The following PPP1R12B variants were observed in gnomAD, a reference collection of about 807,000 sequenced individuals.
PPP1R12B encodes the protein myosin phosphatase target subunit 2.
Under a neutral mutation model 126.1 loss-of-function variants are expected in PPP1R12B, and 76 were observed. The ratio of observed to expected loss-of-function variants is 0.60; its 90% CI spans 0.50 to 0.73. The LOEUF (loss-of-function observed/expected upper bound fraction) is 0.73. PPP1R12B is among the 30% of genes least tolerant of loss of function. PPP1R12B has a pLI of 0.00. For missense variants in PPP1R12B, 1,052 were observed against 1,205.1 expected (o/e 0.87, Z 1.88); for synonymous variants, 356 against 434.7 (o/e 0.82, Z 2.25).
chr1:202,408,180 G>A (rs977602306), intron 1 of PPP1R12B, among the ~76,000 whole-genome samples: 6 of 152,080 alleles, frequency 3.9e-5, no homozygotes, highest in Admixed American at 2.0e-4. Flanking sequence ...TTTCTTGGCC[G>A]TCTAGTTGGG....
At chr1:202,557,306 G>A (rs1687056700) in intron 18 of PPP1R12B, among the ~76,000 whole-genome samples, 1 of 152,050 alleles carries the variant, frequency 6.6e-6, no homozygotes, top group African/African-American at 2.4e-5. Flanking sequence ...TAGTTCTTGA[G>A]AGGTGATTAA....
At position 202,585,892 on chromosome 1, in the gene PPP1R12B, T is replaced by C. The variant is rs1245229324; in HGVS notation, c.*5332T>C. 2 of 152,246 alleles carry C rather than the reference T, an allele frequency of 1.3e-5. No homozygotes were observed. Among genetic ancestry groups the C allele is most frequent in the Non-Finnish European group, 2.9e-5 (2 of 68,052 alleles). The allele number at this position is 152,246 out of a possible 1,614,324, so 9.4% of individuals were successfully genotyped here. On this transcript the variant is annotated 3_prime_UTR_variant, in exon 24 of 24. Coordinates refer to ENST00000608999, the MANE Select transcript of PPP1R12B (RefSeq NM_002481.4). ...AATAGGAAATAGACCTGCTGCTTCA[T>C]AGGTTTCCTCAACCACCTTTCCTCA...
intron 1 of PPP1R12B, among the ~76,000 whole-genome samples, chr1:202,401,361 A>ATTTTTTTTTTTTTT (rs34810265): frequency 5.6e-5 from 4 of 71,446 alleles, no homozygotes; most frequent in Non-Finnish European, 7.4e-5. Flanking sequence ...GGCTAATTTA[A>ATTTTTTTTTTTTTT]TTTTTTTTTT....
intron 18 of PPP1R12B, among the ~76,000 whole-genome samples, chr1:202,532,052 A>G (rs1214527974): frequency 6.6e-6 from 1 of 152,210 alleles, no homozygotes; most frequent in Non-Finnish European, 1.5e-5. Context: ...ATGCTAAACA[A>G]GGGGTGGATT....
Position 202,348,759 on chromosome 1 carries a change from C to A in PPP1R12B, c.-93C>A. 6.9e-7 allele frequency: 1 copy of A among 1,457,542 alleles called. No homozygotes were observed. Among genetic ancestry groups the A allele is most frequent in the African/African-American group, 1.4e-5 (1 of 70,760 alleles). The allele number at this position is 1,457,542 out of a possible 1,614,324, so 90.3% of individuals were successfully genotyped here. ...GAGGGTCTCCGCCCTCTGCTCCGGG[C>A]TGAAGCGCTCTGAGAGAGGCGGCAG... On this transcript the variant is annotated 5_prime_UTR_variant, in exon 1 of 24. In the 5' UTR this introduces an upstream ATG that the reference lacks. Transcript: ENST00000608999.
At chr1:202,365,068 T>C (rs1658955208) in intron 1 of PPP1R12B, among the ~76,000 whole-genome samples, 2 of 152,228 alleles carry the variant, frequency 1.3e-5, no homozygotes, top group South Asian at 2.1e-4. Flanking sequence ...AACATATTAA[T>C]TGGTTTTTTT....
chr1:202,367,142 A>C (rs1659378561), intron 1 of PPP1R12B, among the ~76,000 whole-genome samples: 1 of 152,236 alleles, frequency 6.6e-6, no homozygotes, highest in Non-Finnish European at 1.5e-5. Flanking sequence ...ACTACTTATA[A>C]GCCATTTTAG....
intron 5 of PPP1R12B, among the ~76,000 whole-genome samples, chr1:202,428,083 G>T (rs1391758854): frequency 6.6e-6 from 1 of 151,308 alleles, no homozygotes; most frequent in Non-Finnish European, 1.5e-5. Flanking sequence ...CCCAAACTCT[G>T]TGTTTAAAGG....
rs1180395334 is a variant in PPP1R12B, at chr1:202,582,252, A to T, written c.*1692A>T. ...TTTTCTTACCTGTCACATCTTGGCC[A>T]TCCTCCTCTAGACAAAACCAGCCTT... On this transcript the variant is annotated 3_prime_UTR_variant, in exon 24 of 24. Transcript: ENST00000608999. The T allele has an allele frequency of 6.6e-6, 1 of 152,416 alleles. No individual in the cohort carries two copies. Among genetic ancestry groups the T allele is most frequent in the African/African-American group, 2.4e-5 (1 of 41,444 alleles). 9.4% of individuals were successfully genotyped at this position (152,416 alleles called of 1,614,324 possible).
At chr1:202,390,979 A>G (rs1401933277) in intron 1 of PPP1R12B, among the ~76,000 whole-genome samples, 3 of 152,152 alleles carry the variant, frequency 2.0e-5, no homozygotes, top group Non-Finnish European at 4.4e-5. Context: ...TGGGAGGATC[A>G]TTTGGACCTG....
chr1:202,454,294 A>G (rs1673353402), intron 13 of PPP1R12B, among the ~76,000 whole-genome samples: 1 of 152,254 alleles, frequency 6.6e-6, no homozygotes, highest in African/African-American at 2.4e-5. Context: ...GTGAATTATG[A>G]GTTGAATGTG....
chr1:202,416,168 T>G (rs1571908238), intron 1 of PPP1R12B, among the ~76,000 whole-genome samples: 1 of 152,228 alleles, frequency 6.6e-6, no homozygotes, highest in Admixed American at 6.5e-5. Context: ...ATGAAACAGC[T>G]TATTCATTTG....
intron 13 of PPP1R12B, among the ~76,000 whole-genome samples, chr1:202,460,713 G>A (rs1425257245): frequency 6.6e-6 from 1 of 152,206 alleles, no homozygotes; most frequent in Non-Finnish European, 1.5e-5. Context: ...ATATGTAGCA[G>A]TGGGTACATT....
At position 202,562,864 on chromosome 1, in the gene PPP1R12B, CCCG is replaced by C; in HGVS notation, c.2597_2599del (p.Arg866del). ...AGAGCCCGTCGGGAGGCCCGGGAGGCCCGCCTAGCCACCCTGACCAGCCGTGTA... is the reference window on the plus strand; with the variant it reads ...AGAGCCCGTCGGGAGGCCCGGGAGGCCCTAGCCACCCTGACCAGCCGTGTA... On this transcript the variant is annotated inframe_deletion, in exon 20 of 24. Coordinates refer to ENST00000608999, the MANE Select transcript of PPP1R12B (RefSeq NM_002481.4). 1 of 1,612,606 alleles carries C rather than the reference CCCG, an allele frequency of 6.2e-7. No homozygotes were observed. Among genetic ancestry groups the C allele is most frequent in the Non-Finnish European group, 8.5e-7 (1 of 1,179,502 alleles).
intron 1 of PPP1R12B, among the ~76,000 whole-genome samples, chr1:202,392,381 G>A (rs1032131431): frequency 1.4e-4 from 21 of 152,144 alleles, no homozygotes; most frequent in African/African-American, 4.6e-4. Context: ...AGAAGTCTAC[G>A]TATTATATGA....
chr1:202,575,153 C>A, intron 23 of PPP1R12B: 3 of 1,608,674 alleles, frequency 1.9e-6, no homozygotes, highest in South Asian at 1.1e-5. Context: ...CCCCTACTCT[C>A]CAACTCACTT....
chr1:202,408,763 A>T (rs1666973506), intron 1 of PPP1R12B, among the ~76,000 whole-genome samples: 1 of 150,908 alleles, frequency 6.6e-6, no homozygotes, highest in African/African-American at 2.4e-5. Flanking sequence ...CATTGTAGCT[A>T]TTGTGCATAA....
chr1:202,466,272 G>T (rs1357424543), intron 13 of PPP1R12B, among the ~76,000 whole-genome samples: 5 of 151,820 alleles, frequency 3.3e-5, no homozygotes, highest in African/African-American at 1.2e-4. Context: ...CTGGCAAAGG[G>T]CCCTGTAAAC....
intron 13 of PPP1R12B, among the ~76,000 whole-genome samples, chr1:202,456,959 A>G (rs1338227481): frequency 1.3e-5 from 2 of 152,248 alleles, no homozygotes; most frequent in Non-Finnish European, 1.5e-5. Flanking sequence ...TGACAAACTC[A>G]TAGATGCAGA....
Sources: gnomAD v4.1 joint callset for allele counts (sites outside exome capture counted in the v4.1 genomes callset) on GRCh38, gnomAD v4.1.1 for gene constraint, MANE v1.5 for transcripts, NCBI Gene and HGNC (gene_info 2026-07-23, HGNC 2026-07-21) for gene names.